The following ANKRD36 variants were observed in gnomAD, a reference collection of about 807,000 sequenced individuals.
ANKRD36 encodes ankyrin repeat domain 36, also known as ankyrin repeat domain-containing protein 36A.
ANKRD36 carries 179 observed loss-of-function variants against 278.1 expected under a neutral mutation model. The ratio of observed to expected loss-of-function variants is 0.64; its 90% CI spans 0.57 to 0.73. The LOEUF (loss-of-function observed/expected upper bound fraction) is 0.73. ANKRD36 is among the 30% of genes least tolerant of loss of function. ANKRD36 has a pLI of 0.00. For missense variants in ANKRD36, 1,159 were observed against 1,956.7 expected (o/e 0.59, Z 7.69); for synonymous variants, 320 against 641.1 (o/e 0.50, Z 7.57).
intron 75 of ANKRD36, among the ~76,000 whole-genome samples, chr2:97,260,376 A>G (rs1409886963): frequency 1.6e-5 from 2 of 127,734 alleles, no homozygotes; most frequent in African/African-American, 3.2e-5. Flanking sequence ...ATATATATAT[A>G]TATACACACA....
chr2:97,173,575 CAGT>C (rs1476085733), intron 22 of ANKRD36, among the ~76,000 whole-genome samples: 2 of 151,740 alleles, frequency 1.3e-5, no homozygotes, highest in African/African-American at 4.8e-5. Flanking sequence ...ATGTCACATA[CAGT>C]GGTGGTGAAA....
At chr2:97,114,873 A>C (rs1436149154) in intron 1 of ANKRD36, among the ~76,000 whole-genome samples, 1 of 151,924 alleles carries the variant, frequency 6.6e-6, no homozygotes, top group Non-Finnish European at 1.5e-5. Flanking sequence ...ACATTTTTGA[A>C]TTACTCATGC....
intron 46 of ANKRD36, 93 bp from the exon 47 acceptor site, chr2:97,202,109 G>C: frequency 6.3e-7 from 1 of 1,584,248 alleles, no homozygotes; most frequent in South Asian, 1.2e-5. Context: ...AATACAGGCA[G>C]GAGGACAGAG....
chr2:97,227,255 T>G (rs1322631744), intron 67 of ANKRD36, among the ~76,000 whole-genome samples: 1 of 152,144 alleles, frequency 6.6e-6, no homozygotes, highest in Non-Finnish European at 1.5e-5. Context: ...TTCCTACCCA[T>G]GAGCATGGAA....
chr2:97,159,913 C>T lies in ANKRD36; in HGVS notation c.1389+1258C>T, dbSNP rs543966792. Among the ~76,000 whole-genome samples the T allele has an allele frequency of 3.9e-5, 6 of 152,154 alleles. No individual in the cohort carries two copies. The East Asian group carries it at 9.7e-4, about 24-fold the overall frequency. On this transcript the variant is annotated intron_variant, in intron 17 of 75. Coordinates refer to ENST00000420699, the MANE Select transcript of ANKRD36 (RefSeq NM_001354587.1). Reference sequence around the variant, plus strand: ...TCTCCTGCCTCAGCCTCGCGAGTAGCTGGGACTATAGGCGCCCGCCATCAC... The same window carrying T: ...TCTCCTGCCTCAGCCTCGCGAGTAGTTGGGACTATAGGCGCCCGCCATCAC...
At chr2:97,164,500 A>C in intron 20 of ANKRD36, 31 bp downstream of exon 20, 3 of 1,528,488 alleles carry the variant, frequency 2.0e-6, no homozygotes, top group Non-Finnish European at 2.6e-6. Context: ...TTCGTTCTAG[A>C]AAATGTAGAT....
Position 97,194,927 on chromosome 2 carries a change from C to T in ANKRD36, c.2551+10C>T, listed in dbSNP as rs770995509. On this transcript the variant is annotated intron_variant, in intron 40 of 75. Coordinates refer to ENST00000420699, the MANE Select transcript of ANKRD36 (RefSeq NM_001354587.1). ...GAAATATCTAGGAAAGGTAATTTTG[C>T]GAAACACATTTAATGTCATGTTCAG... The T allele has an allele frequency of 2.2e-5, 34 of 1,543,978 alleles. No individual in the cohort carries two copies. Among genetic ancestry groups the T allele is most frequent in the Admixed American group, 1.2e-4 (6 of 51,050 alleles).
At chr2:97,195,770 T>A (rs1403729334) in intron 40 of ANKRD36, among the ~76,000 whole-genome samples, 1 of 151,958 alleles carries the variant, frequency 6.6e-6, no homozygotes, top group African/African-American at 2.4e-5. Flanking sequence ...TTATGTTGCA[T>A]TCCAATTAAG....
chr2:97,217,098 G>T (rs1393913964), intron 62 of ANKRD36, 79 bp from the exon 63 acceptor site: 1 of 1,543,274 alleles, frequency 6.5e-7, no homozygotes, highest in Non-Finnish European at 8.7e-7. Context: ...GATACAGCTT[G>T]ATGCTAACAC....
chr2:97,164,424 T>G lies in ANKRD36; in HGVS notation c.1486T>G (p.Ser496Ala), dbSNP rs2050080248. Residue 496 changes from serine to alanine, a missense_variant, in exon 20 of 76, where the codon TCA (serine) becomes GCA (alanine). Coordinates refer to ENST00000420699, the MANE Select transcript of ANKRD36 (RefSeq NM_001354587.1). ...THTVKDRDHI[S>A]TRFLGGMDSL... ...TACGGTGAAAGACAGAGATCACATT[T>G]CAACTAGATTCTTAGGAGGTATGGA... 2 of 1,537,570 alleles carry G rather than the reference T, an allele frequency of 1.3e-6. No homozygotes were observed.
intron 67 of ANKRD36, among the ~76,000 whole-genome samples, chr2:97,228,062 A>G (rs1255897091): frequency 6.6e-6 from 1 of 152,108 alleles, no homozygotes; most frequent in Non-Finnish European, 1.5e-5. Context: ...GGATTTTTGC[A>G]TCAATGTTCA....
chr2:97,180,561 A>T (rs559818691), intron 24 of ANKRD36, among the ~76,000 whole-genome samples: 15 of 151,808 alleles, frequency 9.9e-5, no homozygotes, highest in African/African-American at 3.6e-4. Flanking sequence ...ACAGTGCTAG[A>T]ATCGGGATAA....
chr2:97,181,824 T>C (rs765039321), intron 26 of ANKRD36, 31 bp downstream of exon 26: 1 of 1,581,152 alleles, frequency 6.3e-7, no homozygotes, highest in Non-Finnish European at 8.6e-7. Context: ...TAATGTCATG[T>C]TCAGTCAAGA....
intron 60 of ANKRD36, among the ~76,000 whole-genome samples, chr2:97,214,069 G>C (rs1017257399): frequency 7.3e-5 from 11 of 151,146 alleles, no homozygotes; most frequent in African/African-American, 2.7e-4. Context: ...TTTTCCCAAG[G>C]AAGAGGGATT....
At chr2:97,127,878 T>A (rs7569432) in intron 6 of ANKRD36, among the ~76,000 whole-genome samples, 89,416 of 151,798 alleles carry the variant, frequency 0.59, 30,581 homozygotes, top group Non-Finnish European at 0.78. Flanking sequence ...TTTTTTTTCC[T>A]GTGAAAACCA....
rs370512076 is a variant in ANKRD36, at chr2:97,194,865, T to C, written c.2499T>C (p.Asp833=). The C allele has an allele frequency of 6.3e-7, 1 of 1,581,794 alleles. No individual in the cohort carries two copies. The highest frequency in any genetic ancestry group is 8.6e-7 in the Non-Finnish European group (1 of 1,169,092). ...CTCAGGCTACAAGTGATGAGAAGGA[T>C]TCTTTTTCGAATATAACCAGAGGAA... ...PALKATSDEK[D]SFSNITRGKK... is the part of the protein sequence containing the mutation. Residue 833 remains aspartate, a synonymous_variant, in exon 40 of 76, where the codon GAT becomes GAC. Transcript: ENST00000420699.
chr2:97,213,217 T>A, intron 58 of ANKRD36: 1 of 201,538 alleles, frequency 5.0e-6, no homozygotes, highest in South Asian at 1.1e-4. Context: ...TGTTTGAAAT[T>A]GTAAGTATAT....
At chr2:97,190,509 A>G (rs185855956) in intron 34 of ANKRD36, among the ~76,000 whole-genome samples, 7 of 151,788 alleles carry the variant, frequency 4.6e-5, no homozygotes, top group Non-Finnish European at 7.4e-5. Context: ...GTGAATTGTC[A>G]TGGTAATTGT....
At position 97,131,315 on chromosome 2, in the gene ANKRD36, A is replaced by T. The variant is rs552895108; in HGVS notation, c.799+4181A>T. On this transcript the variant is annotated intron_variant, in intron 6 of 75. Coordinates refer to ENST00000420699, the MANE Select transcript of ANKRD36 (RefSeq NM_001354587.1). Reference sequence around the variant, plus strand: ...GGTGGTCCTCCTACCTCAGCCTCCTAAGTCGGTGAGACTGCTACAAGCATA... The same window carrying T: ...GGTGGTCCTCCTACCTCAGCCTCCTTAGTCGGTGAGACTGCTACAAGCATA... Among the ~76,000 whole-genome samples the T allele has an allele frequency of 2.0e-5, 3 of 151,912 alleles. No individual in the cohort carries two copies. The East Asian group carries it at 5.8e-4, about 29-fold the overall frequency.
Sources: gnomAD v4.1 joint callset for allele counts (sites outside exome capture counted in the v4.1 genomes callset) on GRCh38, gnomAD v4.1.1 for gene constraint, MANE v1.5 for transcripts, NCBI Gene and HGNC (gene_info 2026-07-23, HGNC 2026-07-21) for gene names.